The following DROSHA variants were observed in gnomAD, a reference collection of about 807,000 sequenced individuals.
DROSHA encodes the protein ribonuclease 3.
A neutral mutation model predicts 181.9 loss-of-function variants in DROSHA; 56 were observed. The ratio of observed to expected loss-of-function variants is 0.31; its 90% CI spans 0.25 to 0.38. DROSHA has a LOEUF of 0.38. Among genes scored for constraint, DROSHA ranks in the 10% least tolerant of loss-of-function variants. The pLI, the probability that DROSHA is intolerant of heterozygous loss-of-function variation, is 1.00. For synonymous variants in DROSHA, 524 were observed against 591.2 expected (o/e 0.89, Z 1.65); for missense variants, 1,218 against 1,743.5 (o/e 0.70, Z 5.37).
chr5:31,428,167 A>G (rs1018219704), intron 27 of DROSHA, among the ~76,000 whole-genome samples: 5 of 152,126 alleles, frequency 3.3e-5, no homozygotes, highest in African/African-American at 1.2e-4. Flanking sequence ...AAAAGAATCT[A>G]AACACAGACT....
At chr5:31,422,471 T>G (rs970835709) in intron 29 of DROSHA, among the ~76,000 whole-genome samples, 1 of 152,184 alleles carries the variant, frequency 6.6e-6, no homozygotes, top group Non-Finnish European at 1.5e-5. Context: ...CAGAGTCGAA[T>G]CACTGCACAC....
intron 13 of DROSHA, among the ~76,000 whole-genome samples, chr5:31,492,073 C>A (rs751737993): frequency 6.6e-6 from 1 of 152,182 alleles, no homozygotes; most frequent in African/African-American, 2.4e-5. Flanking sequence ...GGATTACAGG[C>A]GTGAGCCACC....
chr5:31,431,782 G>T, intron 25 of DROSHA, 104 bp from the exon 26 acceptor site: 1 of 947,128 alleles, frequency 1.1e-6, no homozygotes, highest in Non-Finnish European at 1.7e-6. Flanking sequence ...CGAGATGGGG[G>T]CAGCGTAATG....
chr5:31,528,926 C>A, intron 4 of DROSHA, 114 bp downstream of exon 4: 1 of 1,390,960 alleles, frequency 7.2e-7, no homozygotes, highest in Admixed American at 2.0e-5. Flanking sequence ...AGAATGAGCA[C>A]ATTATCCCCT....
chr5:31,458,204 T>C (rs1463752575), intron 20 of DROSHA, among the ~76,000 whole-genome samples: 1 of 152,226 alleles, frequency 6.6e-6, no homozygotes, highest in East Asian at 1.9e-4. Context: ...TATGATCTTA[T>C]GATATTTTCA....
chr5:31,505,884 A>G (rs889450219), intron 10 of DROSHA: 2 of 152,220 alleles, frequency 1.3e-5, no homozygotes. Context: ...ATAAAAGTCA[A>G]TAAGACTTTT....
intron 17 of DROSHA, among the ~76,000 whole-genome samples, chr5:31,469,363 C>T (rs540878161): frequency 6.6e-6 from 1 of 150,590 alleles, no homozygotes; most frequent in African/African-American, 2.4e-5. Context: ...TCTCAAAAAA[C>T]AAAACAAAAC....
Position 31,405,669 on chromosome 5 carries a change from A to T in DROSHA, c.3994+8T>A, listed in dbSNP as rs746746592. ...TGAACATAATTATAGAAAAAAAAACAGGCTTACATTTTTCAAGCGCATCCA... is the reference window on the plus strand; with the variant it reads ...TGAACATAATTATAGAAAAAAAAACTGGCTTACATTTTTCAAGCGCATCCA... On this transcript the variant is annotated splice_region_variant and intron_variant, in intron 35 of 35. Coordinates refer to ENST00000344624, the MANE Select transcript of DROSHA (RefSeq NM_001382508.1). 15 of 1,552,398 alleles carry T rather than the reference A, an allele frequency of 9.7e-6. No homozygotes were observed. The Admixed American group carries it at 2.4e-4, about 25-fold the overall frequency.
chr5:31,493,363 A>G (rs755814458), intron 12 of DROSHA, 70 bp from the exon 13 acceptor site: 4 of 1,363,954 alleles, frequency 2.9e-6, no homozygotes, highest in Middle Eastern at 1.8e-4. Context: ...GAAATCCATC[A>G]GGACAGAAAG....
At chr5:31,481,929 G>C (rs1405300244) in intron 16 of DROSHA, among the ~76,000 whole-genome samples, 4 of 152,186 alleles carry the variant, frequency 2.6e-5, no homozygotes, top group African/African-American at 9.6e-5. Context: ...GCTACAGTGG[G>C]CTAGGGACAG....
rs1268547684 is a variant in DROSHA, at chr5:31,400,718, T to C, written c.*714A>G. 3 of 152,354 alleles carry C rather than the reference T, an allele frequency of 2.0e-5. No individual in the cohort carries two copies. The highest frequency in any genetic ancestry group is 7.2e-5 in the African/African-American group (3 of 41,452). The allele number at this position is 152,354 out of a possible 1,614,324, so 9.4% of individuals were successfully genotyped here. A position where few individuals can be genotyped will look rare whatever the true frequency, so the allele number is the denominator to read the frequency against. ...AATTGAATATAGTATTGGGAGGTTTTTGACTTCCTTGAAGTCTGTTCATTA... is the reference window on the plus strand; with the variant it reads ...AATTGAATATAGTATTGGGAGGTTTCTGACTTCCTTGAAGTCTGTTCATTA... On this transcript the variant is annotated 3_prime_UTR_variant, in exon 36 of 36. Coordinates refer to ENST00000344624, the MANE Select transcript of DROSHA (RefSeq NM_001382508.1).
intron 22 of DROSHA, 61 bp downstream of exon 22, chr5:31,449,220 T>C (rs145327638): frequency 1.3e-6 from 2 of 1,595,142 alleles, no homozygotes; most frequent in African/African-American, 2.7e-5. Flanking sequence ...GGCGAAATAA[T>C]TTACAACAGA....
chr5:31,449,483 C>T, intron 21 of DROSHA, 64 bp from the exon 22 acceptor site: 1 of 1,511,458 alleles, frequency 6.6e-7, no homozygotes, highest in Non-Finnish European at 8.9e-7. Context: ...GTGGCTCACG[C>T]CTGTAATCCT....
At chr5:31,421,441 C>T in intron 29 of DROSHA, 64 bp from the exon 30 acceptor site, 2 of 1,311,014 alleles carry the variant, frequency 1.5e-6, no homozygotes, top group Non-Finnish European at 2.2e-6. Flanking sequence ...AAAAAACACC[C>T]AGAATTTTAA....
chr5:31,445,341 T>C (rs1306945872), intron 23 of DROSHA, among the ~76,000 whole-genome samples: 3 of 152,138 alleles, frequency 2.0e-5, no homozygotes, highest in Non-Finnish European at 4.4e-5. Flanking sequence ...CCCAGATTCT[T>C]CAAAGGCCTC....
At chr5:31,492,799 T>C (rs1247595777) in intron 13 of DROSHA, among the ~76,000 whole-genome samples, 1 of 152,244 alleles carries the variant, frequency 6.6e-6, no homozygotes, top group Non-Finnish European at 1.5e-5. Flanking sequence ...ATCTATTTCA[T>C]GAATTCAGGC....
At position 31,444,985 on chromosome 5, in the gene DROSHA, G is replaced by A. The variant is rs138092469; in HGVS notation, c.2882+3562C>T. Among the ~76,000 whole-genome samples, 259 of 152,366 alleles carry A rather than the reference G, an allele frequency of 1.7e-3. 1 individual carries two copies. The highest frequency in any genetic ancestry group is 6.0e-3 in the African/African-American group (248 of 41,590). ...GAAGGAGATATTGGAAAAGGAAGCC[G>A]TGTCAGCCATTGCTGGCAATTTTTG... is the stretch of plus-strand genomic sequence containing the variant. On this transcript the variant is annotated intron_variant, in intron 23 of 35. Transcript: ENST00000344624.
intron 19 of DROSHA, among the ~76,000 whole-genome samples, chr5:31,465,080 G>A (rs920429994): frequency 1.1e-4 from 17 of 152,128 alleles, no homozygotes; most frequent in Middle Eastern, 3.4e-3. Context: ...CACCAACGGA[G>A]GAACACTTCA....
At chr5:31,476,836 T>G (rs1316326438) in intron 16 of DROSHA, among the ~76,000 whole-genome samples, 2 of 152,196 alleles carry the variant, frequency 1.3e-5, no homozygotes, top group Non-Finnish European at 2.9e-5. Flanking sequence ...ATTTGTGGAA[T>G]GACTTTCTAA....
Sources: gnomAD v4.1 joint callset for allele counts (sites outside exome capture counted in the v4.1 genomes callset) on GRCh38, gnomAD v4.1.1 for gene constraint, MANE v1.5 for transcripts, NCBI Gene and HGNC (gene_info 2026-07-23, HGNC 2026-07-21) for gene names.